CAMKMT: variants seen among roughly 807,000 people sequenced by gnomAD.
CAMKMT encodes calmodulin-lysine N-methyltransferase.
CAMKMT carries 53 observed loss-of-function variants against 48.0 expected under a neutral mutation model. The observed-to-expected ratio is 1.10, with a 90% CI of 0.89 to 1.39. CAMKMT has a LOEUF of 1.39. Ranked by LOEUF, CAMKMT falls within the 40% of genes most tolerant of loss-of-function variation. The pLI is 0.00. For synonymous variants in CAMKMT, 165 were observed against 152.3 expected (o/e 1.08, Z -0.61); for missense variants, 428 against 402.7 (o/e 1.06, Z -0.54).
intron 3 of CAMKMT, among the ~76,000 whole-genome samples, chr2:44,585,829 T>C (rs1297181584): frequency 6.6e-6 from 1 of 152,198 alleles, no homozygotes; most frequent in East Asian, 1.9e-4. Flanking sequence ...CATATATTGC[T>C]GATCAATTCT....
At chr2:44,433,627 C>T (rs909139187) in intron 3 of CAMKMT, among the ~76,000 whole-genome samples, 1 of 151,844 alleles carries the variant, frequency 6.6e-6, no homozygotes, top group Non-Finnish European at 1.5e-5. Context: ...ATATGCTGAC[C>T]CTAAACTGTT....
At chr2:44,622,232 TC>T (rs1421043699) in intron 3 of CAMKMT, among the ~76,000 whole-genome samples, 4 of 152,208 alleles carry the variant, frequency 2.6e-5, no homozygotes, top group Admixed American at 6.5e-5. Context: ...GAGGAAAACT[TC>T]CACTTATTTA....
intron 7 of CAMKMT, among the ~76,000 whole-genome samples, chr2:44,736,798 A>T (rs1679378855): frequency 2.0e-5 from 3 of 151,916 alleles, no homozygotes; most frequent in African/African-American, 7.3e-5. Context: ...ATCTTATCCA[A>T]TGTATTGTTC....
chr2:44,626,606 C>T (rs1220870113), intron 3 of CAMKMT, among the ~76,000 whole-genome samples: 1 of 152,172 alleles, frequency 6.6e-6, no homozygotes, highest in African/African-American at 2.4e-5. Flanking sequence ...TCCTTCTCGA[C>T]TGTATCCTCA....
intron 3 of CAMKMT, among the ~76,000 whole-genome samples, chr2:44,667,902 T>C (rs1332690782): frequency 6.6e-6 from 1 of 152,164 alleles, no homozygotes; most frequent in Non-Finnish European, 1.5e-5. Flanking sequence ...TCTTCCCTAT[T>C]TAGGTTCCAT....
At chr2:44,475,638 A>G (rs561802939) in intron 3 of CAMKMT, among the ~76,000 whole-genome samples, 64 of 152,190 alleles carry the variant, frequency 4.2e-4, no homozygotes, top group African/African-American at 1.5e-3. Flanking sequence ...TTTTGAAAGG[A>G]ATAACTGGTG....
chr2:44,539,335 T>C (rs1666964489), intron 3 of CAMKMT, among the ~76,000 whole-genome samples: 1 of 152,058 alleles, frequency 6.6e-6, no homozygotes, highest in Non-Finnish European at 1.5e-5. Context: ...TTTATATCTT[T>C]TAAATCTATT....
chr2:44,550,523 T>C (rs2103649195), intron 3 of CAMKMT: 1 of 152,346 alleles, frequency 6.6e-6, no homozygotes, highest in East Asian at 1.9e-4. Flanking sequence ...TAATTTCTAC[T>C]AGTATAGAAT....
intron 3 of CAMKMT, among the ~76,000 whole-genome samples, chr2:44,424,342 A>G (rs190088389): frequency 1.3e-5 from 2 of 152,090 alleles, no homozygotes; most frequent in Non-Finnish European, 2.9e-5. Flanking sequence ...AAGCTCCCCA[A>G]AGTAAAGATT....
chr2:44,718,266 A>G (rs1002991444), intron 7 of CAMKMT, among the ~76,000 whole-genome samples: 2 of 152,162 alleles, frequency 1.3e-5, no homozygotes, highest in African/African-American at 2.4e-5. Flanking sequence ...CATTTTAATC[A>G]TAGTCTGATT....
chr2:44,626,036 C>G (rs1321848779), intron 3 of CAMKMT, among the ~76,000 whole-genome samples: 1 of 152,082 alleles, frequency 6.6e-6, no homozygotes, highest in Admixed American at 6.5e-5. Context: ...TTGGCAATCT[C>G]TAAAAAATCA....
intron 2 of CAMKMT, among the ~76,000 whole-genome samples, 192 bp from the exon 3 acceptor site, chr2:44,390,049 A>G (rs576818070): frequency 2.3e-4 from 35 of 152,302 alleles, no homozygotes; most frequent in Admixed American, 5.9e-4. Context: ...CATTATGTTA[A>G]ATATTCTGAG....
At position 44,618,855 on chromosome 2, in the gene CAMKMT, T is replaced by A. The variant is rs1050321404; in HGVS notation, c.377-85428T>A. On this transcript the variant is annotated intron_variant, in intron 3 of 10. Transcript: ENST00000378494. This position sits in a 1 kb window ranked among gnomAD's most constrained non-coding sequence, Gnocchi z 4.0. ...TTTGTACAACTACCTTTTATTCTATTTCATGTATAATTGATGACAATGTTT... is the reference window on the plus strand; with the variant it reads ...TTTGTACAACTACCTTTTATTCTATATCATGTATAATTGATGACAATGTTT... Among the ~76,000 whole-genome samples, 4 of 152,256 alleles carry A rather than the reference T, an allele frequency of 2.6e-5. No homozygotes were observed.
At position 44,409,291 on chromosome 2, in the gene CAMKMT, G is replaced by A. The variant is rs1468830420; in HGVS notation, c.376+18986G>A. Among the ~76,000 whole-genome samples the A allele has an allele frequency of 2.6e-5, 4 of 151,640 alleles. No homozygotes were observed. The East Asian group carries it at 7.8e-4, about 29-fold the overall frequency. On this transcript the variant is annotated intron_variant, in intron 3 of 10. Coordinates refer to ENST00000378494, the MANE Select transcript of CAMKMT (RefSeq NM_024766.5). ...GTATGTATTATCTTAATAGTTAGTT[G>A]ACATTTGGACTCCTAGAGATAATCA...
intron 3 of CAMKMT, among the ~76,000 whole-genome samples, chr2:44,635,160 T>A (rs1400748858): frequency 1.3e-5 from 2 of 152,170 alleles, no homozygotes; most frequent in Admixed American, 6.6e-5. Flanking sequence ...TGTTCATGAC[T>A]TCTGCCTTCA....
At chr2:44,364,182 A>T (rs762744621) in intron 1 of CAMKMT, among the ~76,000 whole-genome samples, 1 of 152,000 alleles carries the variant, frequency 6.6e-6, no homozygotes, top group East Asian at 1.9e-4. Context: ...AAACTACAGC[A>T]CTTATGTTCA....
chr2:44,471,563 A>T (rs112546843), intron 3 of CAMKMT, among the ~76,000 whole-genome samples: 2,166 of 152,098 alleles, frequency 0.014, 58 homozygotes, highest in African/African-American at 0.05. Flanking sequence ...TTGTGCCAAT[A>T]CACTCTAGCC....
chr2:44,384,545 A>G (rs1572704565), intron 2 of CAMKMT, among the ~76,000 whole-genome samples: 1 of 131,114 alleles, frequency 7.6e-6, no homozygotes, highest in South Asian at 2.3e-4. Flanking sequence ...GTTCTTGGTC[A>G]TGAAATCCTT....
At chr2:44,658,146 T>C (rs890482281) in intron 3 of CAMKMT, among the ~76,000 whole-genome samples, 2 of 152,228 alleles carry the variant, frequency 1.3e-5, no homozygotes, top group African/African-American at 4.8e-5. Context: ...CGTCATTCTG[T>C]AGTTGTCATC....
Sources: gnomAD v4.1 joint callset for allele counts (sites outside exome capture counted in the v4.1 genomes callset) on GRCh38, gnomAD v4.1.1 for gene constraint, Gnocchi (gnomAD v3.1) non-coding constraint, MANE v1.5 for transcripts, NCBI Gene and HGNC (gene_info 2026-07-23, HGNC 2026-07-21) for gene names.